The following SPATA17 variants were observed in gnomAD, a reference collection of about 807,000 sequenced individuals.
SPATA17 encodes the protein spermatogenesis associated 17.
In SPATA17, 53 loss-of-function variants were observed where a neutral mutation model predicts 62.2. The observed-to-expected ratio is 0.85, with a 90% CI of 0.68 to 1.07. SPATA17 has a LOEUF of 1.07. Ranked by LOEUF, SPATA17 falls within the 50% of genes least tolerant of loss-of-function variation. The pLI, the probability that SPATA17 is intolerant of heterozygous loss-of-function variation, is 0.00. For missense variants in SPATA17, 466 were observed against 425.5 expected (o/e 1.10, Z -0.84); for synonymous variants, 146 against 146.8 (o/e 0.99, Z 0.04).
At chr1:217,801,692 G>A (rs1229299293) in intron 8 of SPATA17, 26 bp from the exon 9 acceptor site, 1 of 1,572,640 alleles carries the variant, frequency 6.4e-7, no homozygotes, top group African/African-American at 1.4e-5. Context: ...ATCAAGTTAA[G>A]AATAGCTCTT....
intron 9 of SPATA17, among the ~76,000 whole-genome samples, chr1:217,816,495 T>C: frequency 6.6e-6 from 1 of 151,808 alleles, no homozygotes; most frequent in Non-Finnish European, 1.5e-5. Flanking sequence ...TACTTTATAA[T>C]CTTTTTACTT....
intron 1 of SPATA17, 83 bp downstream of exon 1, chr1:217,631,529 A>G: frequency 7.2e-7 from 1 of 1,394,772 alleles, no homozygotes; most frequent in Non-Finnish European, 1.0e-6. Context: ...CCAATTAACG[A>G]TTTAACGATT....
At chr1:217,815,896 A>T (rs910296220) in intron 9 of SPATA17, among the ~76,000 whole-genome samples, 2 of 152,174 alleles carry the variant, frequency 1.3e-5, no homozygotes, top group African/African-American at 4.8e-5. Context: ...CCCAACATCT[A>T]TCTCATTGGT....
chr1:217,868,113 A>T lies in SPATA17; in HGVS notation c.*1094A>T, dbSNP rs1676054582. On this transcript the variant is annotated 3_prime_UTR_variant, in exon 11 of 11. Coordinates refer to ENST00000366933, the MANE Select transcript of SPATA17 (RefSeq NM_138796.4). ...GTGTACAGTTTTGAGCTCCTGATTT[A>T]AATAAACAAATTGTAAAATAAAAGA... 6.6e-6 allele frequency: 1 copy of T among 152,236 alleles called. No individual in the cohort carries two copies. Among genetic ancestry groups the T allele is most frequent in the African/African-American group, 2.4e-5 (1 of 41,468 alleles). The allele number at this position is 152,236 out of a possible 1,614,324, so 9.4% of individuals were successfully genotyped here.
At chr1:217,827,448 C>T (rs1675022609) in intron 9 of SPATA17, among the ~76,000 whole-genome samples, 1 of 152,038 alleles carries the variant, frequency 6.6e-6, no homozygotes, top group South Asian at 2.1e-4. Flanking sequence ...TTAGTTCAAC[C>T]ATTGTGGAAG....
chr1:217,680,841 T>C (rs1671062481), intron 4 of SPATA17, among the ~76,000 whole-genome samples: 1 of 148,442 alleles, frequency 6.7e-6, no homozygotes, highest in Non-Finnish European at 1.5e-5. Context: ...AAGAGAATCG[T>C]TTGAACCCAG....
At chr1:217,710,177 C>T (rs1223170128) in intron 5 of SPATA17, among the ~76,000 whole-genome samples, 3 of 151,970 alleles carry the variant, frequency 2.0e-5, no homozygotes, top group Non-Finnish European at 4.4e-5. Context: ...CATTTTTTAA[C>T]CAAGAGTGGA....
At chr1:217,656,734 C>T (rs1189263470) in intron 3 of SPATA17, among the ~76,000 whole-genome samples, 1 of 152,128 alleles carries the variant, frequency 6.6e-6, no homozygotes, top group African/African-American at 2.4e-5. Context: ...AAGCATTTTA[C>T]ATTCTTCATG....
intron 8 of SPATA17, among the ~76,000 whole-genome samples, chr1:217,782,781 T>C (rs1408466937): frequency 1.3e-5 from 2 of 151,380 alleles, no homozygotes; most frequent in East Asian, 3.9e-4. Context: ...GGAAGATGAC[T>C]GAAAAAGATG....
intron 6 of SPATA17, among the ~76,000 whole-genome samples, chr1:217,752,998 A>G (rs1449999490): frequency 6.6e-6 from 1 of 152,082 alleles, no homozygotes; most frequent in East Asian, 1.9e-4. Context: ...ACATGTACCC[A>G]CCTCATCTTT....
At chr1:217,720,550 T>TA (rs1162773503) in intron 5 of SPATA17, among the ~76,000 whole-genome samples, 1 of 152,148 alleles carries the variant, frequency 6.6e-6, no homozygotes, top group Non-Finnish European at 1.5e-5. Flanking sequence ...TGCATGCCTG[T>TA]AGTCCCAGAT....
intron 9 of SPATA17, among the ~76,000 whole-genome samples, chr1:217,830,332 C>T (rs903512720): frequency 6.6e-6 from 1 of 152,066 alleles, no homozygotes; most frequent in African/African-American, 2.4e-5. Flanking sequence ...AAATGACAGT[C>T]AAATTCTTTT....
At chr1:217,759,886 A>G (rs7548446) in intron 6 of SPATA17, among the ~76,000 whole-genome samples, 3,457 of 152,298 alleles carry the variant, frequency 0.023, 141 homozygotes, top group African/African-American at 0.08. Flanking sequence ...TGATCCAACC[A>G]TCTTCTGCTG....
rs149707086 is a variant in SPATA17 at position 217,817,696 on chromosome 1, G to A, written c.1005+15846G>A. On this transcript the variant is annotated intron_variant, in intron 9 of 10. Coordinates refer to ENST00000366933, the MANE Select transcript of SPATA17 (RefSeq NM_138796.4). The stretch of plus-strand genomic sequence containing the variant: ...GAAATTGCAGCATAATTTACCTTAC[G>A]TGGTTTCAAAAGCTACCTTTAAATG... 3.5e-3 allele frequency among the ~76,000 whole-genome samples: 528 copies of A among 152,036 alleles called. 1 individual carries two copies. The highest frequency in any genetic ancestry group is 5.9e-3 in the Non-Finnish European group (403 of 67,950).
chr1:217,823,924 G>T (rs559755512), intron 9 of SPATA17, among the ~76,000 whole-genome samples: 2 of 151,886 alleles, frequency 1.3e-5, no homozygotes, highest in African/African-American at 2.4e-5. Flanking sequence ...CAATACTCCT[G>T]CTTTCTTTGG....
Position 217,707,357 on chromosome 1 carries a change from C to CATATCATCTGCAATCAGGG in SPATA17, c.395+24000_395+24018dup, listed in dbSNP as rs1671760356. Among the ~76,000 whole-genome samples, 3 of 152,256 alleles carry CATATCATCTGCAATCAGGG rather than the reference C, an allele frequency of 2.0e-5. No homozygotes were observed. In the South Asian group the frequency reaches 6.2e-4, roughly 32 times the overall value. ...CTGTGGGATTTTCTTGGTGTAGAATCATATCATCTGCAATCAGGGATAGTT... is the reference window on the plus strand; with the variant it reads ...CTGTGGGATTTTCTTGGTGTAGAATCATATCATCTGCAATCAGGGATATCATCTGCAATCAGGGATAGTT... On this transcript the variant is annotated intron_variant, in intron 5 of 10. Coordinates refer to ENST00000366933, the MANE Select transcript of SPATA17 (RefSeq NM_138796.4).
chr1:217,803,187 T>C (rs1483756819), intron 9 of SPATA17, among the ~76,000 whole-genome samples: 1 of 152,046 alleles, frequency 6.6e-6, no homozygotes, highest in Non-Finnish European at 1.5e-5. Context: ...TCTGGGATTA[T>C]AGGCATGAGC....
chr1:217,836,663 T>A (rs1420866768), intron 9 of SPATA17, among the ~76,000 whole-genome samples: 1 of 152,112 alleles, frequency 6.6e-6, no homozygotes, highest in Non-Finnish European at 1.5e-5. Context: ...TATTATGAGA[T>A]GTTTCCAAGC....
At chr1:217,640,752 A>G (rs1216284246) in intron 1 of SPATA17, among the ~76,000 whole-genome samples, 1 of 152,148 alleles carries the variant, frequency 6.6e-6, no homozygotes, top group East Asian at 1.9e-4. Flanking sequence ...TTTATACATA[A>G]TGACATGAAC....
Sources: allele counts gnomAD v4.1 joint callset (sites outside exome capture counted in the v4.1 genomes callset), GRCh38; gene constraint gnomAD v4.1.1; transcripts MANE v1.5; gene names NCBI Gene and HGNC (gene_info 2026-07-23, HGNC 2026-07-21).